The following TUT4 variants were observed in gnomAD, a reference collection of about 807,000 sequenced individuals.
The protein encoded by TUT4 is terminal uridylyltransferase 4.
In TUT4, 36 loss-of-function variants were observed where a neutral mutation model predicts 192.2. The observed-to-expected ratio is 0.19, with a 90% CI of 0.14 to 0.25. The LOEUF is 0.25. Among genes scored for constraint, TUT4 ranks in the 10% least tolerant of loss-of-function variants. The pLI is 1.00. For missense variants in TUT4, 1,493 were observed against 1,957.2 expected (o/e 0.76, Z 4.47); for synonymous variants, 618 against 666.0 (o/e 0.93, Z 1.11).
At chr1:52,434,078 C>T (rs1228596163) in intron 27 of TUT4, 4 of 151,948 alleles carry the variant, frequency 2.6e-5, no homozygotes, top group African/African-American at 7.2e-5. Flanking sequence ...AATGCATGTA[C>T]AGCACATAGT....
rs1306358964 is a variant in TUT4, at chr1:52,509,729, T to C, written c.883-17A>G. On this transcript the variant is annotated splice_polypyrimidine_tract_variant and intron_variant, in intron 3 of 29. Coordinates refer to ENST00000257177, the MANE Select transcript of TUT4 (RefSeq NM_001009881.3). ...TGGTGATCGCTGAAGAGACAAATTT[T>C]AAAAATGCACTTTATTCAGAAAACA... 7.7e-6 allele frequency: 11 copies of C among 1,435,462 alleles called. No homozygotes were observed. The African/African-American group carries it at 1.5e-4, about 20-fold the overall frequency. 88.9% of individuals were successfully genotyped at this position (1,435,462 alleles called of 1,614,324 possible). A position where few individuals can be genotyped will look rare whatever the true frequency, so the allele number is the denominator to read the frequency against.
In TUT4 at chr1:52,537,004, C is replaced by T. The variant is rs542144797; in HGVS notation, c.-93-10631G>A. The stretch of plus-strand genomic sequence containing the variant: ...CACGGTGAAACCCCGTCTCTACTAA[C>T]AAAAAATTAGCCGGGCATGGTGGCG... On this transcript the variant is annotated intron_variant, in intron 1 of 29. Transcript: ENST00000257177. Among the ~76,000 whole-genome samples, 36 of 151,774 alleles carry T rather than the reference C, an allele frequency of 2.4e-4. No homozygotes were observed. In the South Asian group the frequency reaches 5.0e-3, roughly 21 times the overall value.
intron 4 of TUT4, among the ~76,000 whole-genome samples, chr1:52,502,609 C>CTTTTTTTTTTTTTTTT (rs919559320): frequency 2.4e-5 from 2 of 82,130 alleles, no homozygotes; most frequent in African/African-American, 1.1e-4. Flanking sequence ...TCTTAGCCCT[C>CTTTTTTTTTTTTTTTT]TTTTTTTTTT....
intron 1 of TUT4, among the ~76,000 whole-genome samples, chr1:52,543,126 G>A (rs989542451): frequency 8.5e-5 from 13 of 152,072 alleles, no homozygotes; most frequent in Admixed American, 3.3e-4. Context: ...GAAACAAAAC[G>A]CATCTCAATT....
At chr1:52,435,960 A>G (rs1221552152) in intron 26 of TUT4, among the ~76,000 whole-genome samples, 1 of 152,034 alleles carries the variant, frequency 6.6e-6, no homozygotes, top group Non-Finnish European at 1.5e-5. Context: ...TTCTGCAGTA[A>G]GAATCTGAGT....
intron 2 of TUT4, among the ~76,000 whole-genome samples, chr1:52,524,323 C>G (rs1437744353): frequency 6.6e-6 from 1 of 152,086 alleles, no homozygotes; most frequent in Non-Finnish European, 1.5e-5. Context: ...ATCACGAGGT[C>G]AGGAGATTGA....
At chr1:52,453,355 A>G (rs938038081) in intron 20 of TUT4, among the ~76,000 whole-genome samples, 6 of 151,818 alleles carry the variant, frequency 4.0e-5, no homozygotes, top group African/African-American at 1.2e-4. Flanking sequence ...GCACTCCAGC[A>G]TGGGTGACAA....
At chr1:52,511,979 A>G (rs889821315) in intron 3 of TUT4, among the ~76,000 whole-genome samples, 2 of 152,216 alleles carry the variant, frequency 1.3e-5, no homozygotes, top group Non-Finnish European at 2.9e-5. Context: ...AGGTGGTAAA[A>G]AGAGTTGCTT....
intron 1 of TUT4, 117 bp downstream of exon 1, chr1:52,552,814 C>G (rs949582862): frequency 1.3e-5 from 2 of 152,364 alleles, no homozygotes; most frequent in Non-Finnish European, 2.9e-5. Context: ...CGCTCTCAGG[C>G]CAGGCCCCCG....
intron 1 of TUT4, among the ~76,000 whole-genome samples, chr1:52,530,980 G>C (rs1683233079): frequency 6.6e-6 from 1 of 152,106 alleles, no homozygotes; most frequent in Non-Finnish European, 1.5e-5. Context: ...TCCAGGCTAG[G>C]TGATAAGAGC....
chr1:52,546,485 G>C (rs1688124125), intron 1 of TUT4, among the ~76,000 whole-genome samples: 1 of 152,126 alleles, frequency 6.6e-6, no homozygotes, highest in Non-Finnish European at 1.5e-5. Flanking sequence ...ATTTAGAGTA[G>C]TCAAAATCGT....
chr1:52,499,949 C>T (rs569757769), intron 4 of TUT4, among the ~76,000 whole-genome samples: 4 of 150,974 alleles, frequency 2.6e-5, no homozygotes, highest in South Asian at 2.1e-4. Context: ...CATATATATA[C>T]ACACACACAC....
At chr1:52,429,590 A>C (rs1353825661) in intron 28 of TUT4, among the ~76,000 whole-genome samples, 1 of 149,242 alleles carries the variant, frequency 6.7e-6, no homozygotes, top group Non-Finnish European at 1.5e-5. Context: ...TTTTAATTTT[A>C]TTTATTTATT....
In TUT4 at chr1:52,475,274, T is replaced by A; in HGVS notation, c.2285A>T (p.Gln762Leu). 6.2e-7 allele frequency: 1 copy of A among 1,614,186 alleles called. No individual in the cohort carries two copies. Among genetic ancestry groups the A allele is most frequent in the Non-Finnish European group, 8.5e-7 (1 of 1,180,032 alleles). ...GTCCATTTCATCACATTGAACAGGT[T>A]GCTCTCTTTCTGCATTTATTTTTTC... The part of the protein sequence containing the change: ...TTEKINAERE[Q>L]PVQCDEMDCT... Residue 762 changes from glutamine (Q) to leucine (L), a missense_variant, in exon 13 of 30, where the codon CAA (glutamine) becomes CTA (leucine). Coordinates refer to ENST00000257177, the MANE Select transcript of TUT4 (RefSeq NM_001009881.3).
chr1:52,500,119 T>TA (rs1251891569), intron 4 of TUT4, among the ~76,000 whole-genome samples: 1 of 147,038 alleles, frequency 6.8e-6, no homozygotes, highest in African/African-American at 2.5e-5. Flanking sequence ...TAGATTCTGC[T>TA]CAAAAAAAAA....
At chr1:52,444,925 G>GTGTGTATGTATATGTA (rs1240054584) in intron 24 of TUT4, among the ~76,000 whole-genome samples, 1 of 125,696 alleles carries the variant, frequency 8.0e-6, no homozygotes, top group African/African-American at 4.6e-5. Context: ...ACATGTATGT[G>GTGTGTATGTATATGTA]TATATATATG....
intron 24 of TUT4, among the ~76,000 whole-genome samples, chr1:52,438,540 C>T (rs188432225): frequency 6.6e-6 from 1 of 152,238 alleles, no homozygotes; most frequent in African/African-American, 2.4e-5. Context: ...CAAGTTACAT[C>T]CATATGACAT....
At chr1:52,500,127 A>T (rs976004336) in intron 4 of TUT4, among the ~76,000 whole-genome samples, 5 of 151,892 alleles carry the variant, frequency 3.3e-5, no homozygotes, top group Non-Finnish European at 5.9e-5. Context: ...GCTCAAAAAA[A>T]AAAAGAACAG....
chr1:52,433,046 G>A (rs1652583700), intron 27 of TUT4: 1 of 152,338 alleles, frequency 6.6e-6, no homozygotes, highest in Admixed American at 6.5e-5. Context: ...ACACAAACAG[G>A]GATAGAGGGA....
Sources: allele counts gnomAD v4.1 joint callset (sites outside exome capture counted in the v4.1 genomes callset), GRCh38; gene constraint gnomAD v4.1.1; transcripts MANE v1.5; gene names NCBI Gene and HGNC (gene_info 2026-07-23, HGNC 2026-07-21).